Variants in TEX36 observed in about 807,000 individuals in gnomAD.
TEX36 encodes testis expressed 36.
In TEX36, 12 loss-of-function variants were observed where a neutral mutation model predicts 13.6. The observed-to-expected ratio is 0.88, with a 90% confidence interval of 0.56 to 1.43. TEX36 has a LOEUF of 1.43. Among genes scored for constraint, TEX36 ranks in the 40% most tolerant of loss-of-function variants. TEX36 has a pLI of 0.00. For missense variants in TEX36, 224 were observed against 228.3 expected (o/e 0.98, Z 0.12); for synonymous variants, 93 against 83.0 (o/e 1.12, Z -0.65).
chr10:125,679,614 C>T (rs1172929211), intron 1 of TEX36, among the ~76,000 whole-genome samples: 1 of 152,188 alleles, frequency 6.6e-6, no homozygotes, highest in African/African-American at 2.4e-5. Context: ...CTTACCCTTT[C>T]CCCATGTTGG....
At chr10:125,607,917 A>G (rs1846235250) in intron 3 of TEX36, among the ~76,000 whole-genome samples, 1 of 152,108 alleles carries the variant, frequency 6.6e-6, no homozygotes, top group African/African-American at 2.4e-5. Context: ...TTGAAGCCAG[A>G]GTGAGAATTC....
At chr10:125,624,545 C>T (rs1846463940) in intron 3 of TEX36, among the ~76,000 whole-genome samples, 1 of 152,144 alleles carries the variant, frequency 6.6e-6, no homozygotes, top group East Asian at 1.9e-4. Context: ...CATAGCCAGT[C>T]AGAGGTGCCA....
intron 1 of TEX36, among the ~76,000 whole-genome samples, chr10:125,675,656 G>T (rs1186244011): frequency 6.6e-6 from 1 of 152,078 alleles, no homozygotes; most frequent in Non-Finnish European, 1.5e-5. Flanking sequence ...ACCCCATGTG[G>T]CTCCCAGGTG....
chr10:125,676,700 C>T (rs60014559), intron 1 of TEX36, among the ~76,000 whole-genome samples: 1 of 151,994 alleles, frequency 6.6e-6, no homozygotes, highest in African/African-American at 2.4e-5. Context: ...TTCTTCCTTT[C>T]TTTTTATCTT....
intron 3 of TEX36, among the ~76,000 whole-genome samples, chr10:125,595,518 C>T (rs187659403): frequency 7.9e-5 from 12 of 152,268 alleles, no homozygotes; most frequent in Admixed American, 5.2e-4. Flanking sequence ...GATACATCAC[C>T]GACCTGCTCA....
chr10:125,609,433 A>G (rs1159577312), intron 3 of TEX36, among the ~76,000 whole-genome samples: 1 of 152,224 alleles, frequency 6.6e-6, no homozygotes, highest in Non-Finnish European at 1.5e-5. Context: ...GCTCAACTGC[A>G]TTCAGCTGTG....
At chr10:125,576,812 C>A (rs909532538) in exon 4 of TEX36, 9 of 1,535,866 alleles carry the variant, frequency 5.9e-6, no homozygotes, top group Admixed American at 2.0e-5. Context: ...GGGTCCTCAC[C>A]GGCTCATAGA....
intron 3 of TEX36, among the ~76,000 whole-genome samples, chr10:125,630,546 T>C (rs1313829747): frequency 1.3e-5 from 2 of 152,184 alleles, no homozygotes; most frequent in South Asian, 2.1e-4. Context: ...GAATTAGACA[T>C]GGTCACCTCT....
chr10:125,644,075 G>A (rs1397670253), intron 3 of TEX36, among the ~76,000 whole-genome samples: 1 of 152,186 alleles, frequency 6.6e-6, no homozygotes, highest in African/African-American at 2.4e-5. Context: ...ATAGAAATAA[G>A]TAAAATCGTT....
Position 125,669,723 on chromosome 10 carries a change from T to G in TEX36, c.52-7746A>C, listed in dbSNP as rs928193217. Among the ~76,000 whole-genome samples, 4 of 152,126 alleles carry G rather than the reference T, an allele frequency of 2.6e-5. No individual in the cohort carries two copies. The South Asian group carries it at 8.3e-4, about 32-fold the overall frequency. Reference sequence around the variant, plus strand: ...CCTAGGTATTAAGCCCCACATGCATTAGCTATTTTTCCTGATGCTCTCCCT... The same window carrying G: ...CCTAGGTATTAAGCCCCACATGCATGAGCTATTTTTCCTGATGCTCTCCCT... On this transcript the variant is annotated intron_variant, in intron 1 of 3. Transcript: ENST00000368821.
At chr10:125,614,845 G>A (rs1846337100) in intron 3 of TEX36, among the ~76,000 whole-genome samples, 1 of 152,128 alleles carries the variant, frequency 6.6e-6, no homozygotes, top group Admixed American at 6.5e-5. Context: ...TGATGGGGAT[G>A]GCATTGAATC....
In TEX36 at chr10:125,669,428, C is replaced by T. The variant is rs541265935; in HGVS notation, c.52-7451G>A. On this transcript the variant is annotated intron_variant, in intron 1 of 3. Coordinates refer to ENST00000368821, the MANE Select transcript of TEX36 (RefSeq NM_001128202.3). ...CTGGGAGGCGGAGGTTGCAGTGAGC[C>T]AAGATCATGCCATTGCACTCCAGCC... Among the ~76,000 whole-genome samples, 33 of 151,738 alleles carry T rather than the reference C, an allele frequency of 2.2e-4. 1 individual carries two copies. The highest frequency in any genetic ancestry group is 8.0e-4 in the African/African-American group (33 of 41,398).
chr10:125,669,830 T>G (rs901084578), intron 1 of TEX36, among the ~76,000 whole-genome samples: 5 of 152,246 alleles, frequency 3.3e-5, no homozygotes, highest in Non-Finnish European at 7.3e-5. Context: ...CTCCCATTTA[T>G]AAGTGAGAAC....
At chr10:125,585,976 T>C (rs1227031066) in intron 3 of TEX36, among the ~76,000 whole-genome samples, 1 of 152,158 alleles carries the variant, frequency 6.6e-6, no homozygotes, top group East Asian at 1.9e-4. Context: ...TAGGACTGGG[T>C]TGTGTGGTCC....
intron 3 of TEX36, among the ~76,000 whole-genome samples, chr10:125,615,047 G>A (rs1341630667): frequency 6.6e-6 from 1 of 152,168 alleles, no homozygotes; most frequent in African/African-American, 2.4e-5. Context: ...TGAAGCAATT[G>A]TGAATGGGAG....
rs151134204 is a variant in TEX36 at position 125,631,356 on chromosome 10, T to C, written c.265-9711A>G. On this transcript the variant is annotated intron_variant, in intron 3 of 3. Coordinates refer to the TEX36 transcript ENST00000526819. ...CATTGTGGTCACTAATCATGAGCTA[T>C]TTCAGAAGCCCTCTGTGTAGCCACA... 1.1e-3 allele frequency among the ~76,000 whole-genome samples: 168 copies of C among 152,340 alleles called. 1 individual carries two copies. Among genetic ancestry groups the C allele is most frequent in the African/African-American group, 3.8e-3 (157 of 41,586 alleles).
At chr10:125,586,399 T>G (rs1845949681) in intron 3 of TEX36, among the ~76,000 whole-genome samples, 1 of 152,180 alleles carries the variant, frequency 6.6e-6, no homozygotes, top group South Asian at 2.1e-4. Context: ...CATTTCTTGT[T>G]AAATTTATAC....
chr10:125,644,947 A>G (rs1372965776), intron 3 of TEX36, among the ~76,000 whole-genome samples: 1 of 152,182 alleles, frequency 6.6e-6, no homozygotes, highest in African/African-American at 2.4e-5. Context: ...TGGAGGGGCC[A>G]TGTAGCAAGG....
intron 3 of TEX36, among the ~76,000 whole-genome samples, chr10:125,608,488 C>T (rs1846243490): frequency 6.6e-6 from 1 of 151,626 alleles, no homozygotes; most frequent in African/African-American, 2.4e-5. Context: ...CTTGTCTGTC[C>T]TCCACGAAGC....
Sources: allele counts gnomAD v4.1 joint callset (sites outside exome capture counted in the v4.1 genomes callset), GRCh38; gene constraint gnomAD v4.1.1; transcripts MANE v1.5; gene names NCBI Gene and HGNC (gene_info 2026-07-23, HGNC 2026-07-21).